The following CACNB2 variants were observed in gnomAD, a reference collection of about 807,000 sequenced individuals.
The protein encoded by CACNB2 is calcium voltage-gated channel auxiliary subunit beta 2, also known as voltage-dependent L-type calcium channel subunit beta-2.
CACNB2 carries 42 observed loss-of-function variants against 73.3 expected under a neutral mutation model. The observed-to-expected ratio is 0.57, with a 90% CI of 0.45 to 0.74. The LOEUF (loss-of-function observed/expected upper bound fraction) is 0.74. Ranked by LOEUF, CACNB2 falls within the 30% of genes least tolerant of loss-of-function variation. The pLI, the probability that CACNB2 is intolerant of heterozygous loss-of-function variation, is 0.00. For synonymous variants in CACNB2, 348 were observed against 310.3 expected (o/e 1.12, Z -1.28); for missense variants, 940 against 853.0 (o/e 1.10, Z -1.27).
chr10:18,208,157 T>C (rs886857223), intron 2 of CACNB2, among the ~76,000 whole-genome samples: 2 of 152,168 alleles, frequency 1.3e-5, no homozygotes, highest in Admixed American at 6.5e-5. Context: ...CTTTAGCCAT[T>C]TAGAAGGAGC....
chr10:18,294,592 G>C (rs996002695), intron 2 of CACNB2, among the ~76,000 whole-genome samples: 1 of 152,242 alleles, frequency 6.6e-6, no homozygotes, highest in African/African-American at 2.4e-5. Flanking sequence ...GCCAGGAATT[G>C]AGAGGTGGTG....
At chr10:18,406,756 C>T (rs576878789) in intron 3 of CACNB2, among the ~76,000 whole-genome samples, 2 of 152,260 alleles carry the variant, frequency 1.3e-5, no homozygotes, top group South Asian at 4.2e-4. Flanking sequence ...CCAAAACCAT[C>T]CCCAAACCCC....
intron 3 of CACNB2, among the ~76,000 whole-genome samples, chr10:18,498,066 A>C (rs201082695): frequency 6.6e-6 from 1 of 151,494 alleles, no homozygotes; most frequent in Non-Finnish European, 1.5e-5. Context: ...ACAAGCGCCA[A>C]TGTTGAAAAC....
At chr10:18,325,608 CTT>C (rs1436883225) in intron 2 of CACNB2, among the ~76,000 whole-genome samples, 2 of 145,288 alleles carry the variant, frequency 1.4e-5, no homozygotes, top group African/African-American at 2.6e-5. Context: ...TGTCTTTTTT[CTT>C]TCTTTCCTTT....
chr10:18,292,263 A>G (rs2039094924), intron 2 of CACNB2, among the ~76,000 whole-genome samples: 1 of 152,176 alleles, frequency 6.6e-6, no homozygotes, highest in Non-Finnish European at 1.5e-5. Context: ...AATTTTACGT[A>G]TCTAAGTAAT....
chr10:18,274,104 C>T (rs1024137879), intron 2 of CACNB2, among the ~76,000 whole-genome samples: 3 of 152,086 alleles, frequency 2.0e-5, no homozygotes, highest in Admixed American at 6.6e-5. Flanking sequence ...AGAAATAAGT[C>T]GGATGTCCTG....
At chr10:18,426,364 C>T (rs1332512807) in intron 3 of CACNB2, among the ~76,000 whole-genome samples, 1 of 152,202 alleles carries the variant, frequency 6.6e-6, no homozygotes, top group East Asian at 1.9e-4. Context: ...TACAGTCTCT[C>T]TCACCTTTCT....
intron 2 of CACNB2, among the ~76,000 whole-genome samples, chr10:18,273,433 AT>A (rs953901885): frequency 2.3e-4 from 34 of 149,556 alleles, no homozygotes; most frequent in African/African-American, 5.1e-4. Context: ...TAAAAACCGC[AT>A]TTTTTTTTTG....
At chr10:18,501,257 C>G (rs2050177681) in intron 5 of CACNB2, among the ~76,000 whole-genome samples, 1 of 152,206 alleles carries the variant, frequency 6.6e-6, no homozygotes, top group African/African-American at 2.4e-5. Context: ...GAAAAATAGT[C>G]TGGCACATCA....
chr10:18,177,398 T>C (rs1367149936), intron 2 of CACNB2, among the ~76,000 whole-genome samples: 11 of 149,534 alleles, frequency 7.4e-5, no homozygotes, highest in African/African-American at 2.7e-4. Context: ...AGTGGGTGGA[T>C]CACTTGAGGT....
Position 18,392,635 on chromosome 10 carries a change from G to A in CACNB2, c.214-9289G>A, listed in dbSNP as rs553154732. Among the ~76,000 whole-genome samples, 37 of 152,220 alleles carry A rather than the reference G, an allele frequency of 2.4e-4. No homozygotes were observed. The South Asian group carries it at 3.3e-3, about 14-fold the overall frequency. ...TTCTTAGGAAGAGAGAAATAATCAC[G>A]TGAGTTTGCTGATTCAAATGATTCA... On this transcript the variant is annotated intron_variant, in intron 2 of 13. Transcript: ENST00000324631.
intron 9 of CACNB2, chr10:18,519,873 A>T (rs1375345641): frequency 7.7e-6 from 3 of 388,788 alleles, no homozygotes; most frequent in African/African-American, 2.1e-5. Flanking sequence ...TTTCAGCCCT[A>T]ATCTTACTTG....
intron 3 of CACNB2, among the ~76,000 whole-genome samples, chr10:18,461,764 C>CTT (rs35385599): frequency 0.29 from 19,799 of 68,024 alleles, 2,728 homozygotes; most frequent in Middle Eastern, 0.36. Context: ...TTCGATAAAG[C>CTT]TTTTTTTTTT....
chr10:18,384,956 A>T (rs146225117), intron 2 of CACNB2, among the ~76,000 whole-genome samples: 33 of 151,998 alleles, frequency 2.2e-4, no homozygotes, highest in Non-Finnish European at 5.9e-5. Context: ...ACCTTGGCTG[A>T]ACAGTAGAAT....
At chr10:18,494,501 G>A (rs549374074) in intron 3 of CACNB2, among the ~76,000 whole-genome samples, 25 of 151,848 alleles carry the variant, frequency 1.6e-4, no homozygotes, top group African/African-American at 6.0e-4. Flanking sequence ...GCATGGTGGC[G>A]GGCACCTGTA....
chr10:18,386,291 T>C (rs1230609674), intron 2 of CACNB2, among the ~76,000 whole-genome samples: 1 of 152,102 alleles, frequency 6.6e-6, no homozygotes, highest in Non-Finnish European at 1.5e-5. Flanking sequence ...TTATTGATTA[T>C]AAGATGTATT....
intron 2 of CACNB2, among the ~76,000 whole-genome samples, chr10:18,351,496 G>T (rs2041705449): frequency 6.6e-6 from 1 of 152,164 alleles, no homozygotes; most frequent in Admixed American, 6.5e-5. Context: ...ACTGGAAAAT[G>T]ATTTGCTACA....
chr10:18,280,819 C>T lies in CACNB2; in HGVS notation c.214-121105C>T, dbSNP rs553815119. Among the ~76,000 whole-genome samples the T allele has an allele frequency of 2.6e-5, 4 of 152,266 alleles. No homozygotes were observed. The South Asian group carries it at 8.3e-4, about 32-fold the overall frequency. ...TCTCTTTATGTATTGATGTATTGAT[C>T]ACACAAAAGGTACATCATAAAAACC... On this transcript the variant is annotated intron_variant, in intron 2 of 13. Transcript: ENST00000324631.
At chr10:18,471,539 G>C (rs766363028) in intron 3 of CACNB2, among the ~76,000 whole-genome samples, 2 of 152,138 alleles carry the variant, frequency 1.3e-5, no homozygotes, top group African/African-American at 2.4e-5. Flanking sequence ...TTGTGAAACT[G>C]CCCATGGTTT....
Sources: gnomAD v4.1 joint callset for allele counts (sites outside exome capture counted in the v4.1 genomes callset) on GRCh38, gnomAD v4.1.1 for gene constraint, MANE v1.5 for transcripts, NCBI Gene and HGNC (gene_info 2026-07-23, HGNC 2026-07-21) for gene names.